NRP2: variants seen among roughly 807,000 people sequenced by gnomAD.
The protein encoded by NRP2 is neuropilin 2, also known as neuropilin-2.
NRP2 carries 52 observed loss-of-function variants against 110.4 expected under a neutral mutation model. The observed-to-expected ratio is 0.47, with a 90% CI of 0.38 to 0.59. The LOEUF is 0.59. NRP2 is among the 20% of genes least tolerant of loss of function. The pLI is 0.00. For synonymous variants in NRP2, 508 were observed against 468.9 expected (o/e 1.08, Z -1.08); for missense variants, 1,049 against 1,203.0 (o/e 0.87, Z 1.89).
At position 205,794,953 on chromosome 2, in the gene NRP2, G is replaced by C. The variant is rs768144767; in HGVS notation, c.2676G>C (p.Leu892=). ...LLYCTCSYSG[L]SSRSCTTLEN... is the part of the protein sequence containing the mutation. ...ACTGCACCTGTTCCTACTCGGGCCT[G>C]AGCTCCCGAAGCTGCACCACACTGG... Residue 892 remains leucine, a synonymous_variant, in exon 17 of 17, where the codon CTG becomes CTC. Coordinates refer to ENST00000357785, the MANE Select transcript of NRP2 (RefSeq NM_003872.3). The C allele has an allele frequency of 2.5e-6, 4 of 1,614,154 alleles. No individual in the cohort carries two copies. The highest frequency in any genetic ancestry group is 3.4e-6 in the Non-Finnish European group (4 of 1,180,034).
At chr2:205,779,989 T>C (rs1312322508) in intron 15 of NRP2, among the ~76,000 whole-genome samples, 1 of 152,214 alleles carries the variant, frequency 6.6e-6, no homozygotes, top group Non-Finnish European at 1.5e-5. Flanking sequence ...AATTGCTAAA[T>C]GAGATTCCAC....
At chr2:205,703,974 G>C (rs1235228494) in intron 2 of NRP2, among the ~76,000 whole-genome samples, 1 of 152,150 alleles carries the variant, frequency 6.6e-6, no homozygotes, top group Non-Finnish European at 1.5e-5. Context: ...CTCCTTAGGA[G>C]ACAGGGTGGT....
chr2:205,685,751 C>G lies in NRP2; in HGVS notation c.73+2388C>G, dbSNP rs1261564303. On this transcript the variant is annotated intron_variant, in intron 1 of 16. Coordinates refer to ENST00000357785, the MANE Select transcript of NRP2 (RefSeq NM_003872.3). ...CTGCGCGGCAGGCTCGCCGCGACCC[C>G]TAGAGAGACGGCTTTGAGTGGCGGG... 3 of 152,608 alleles carry G rather than the reference C, an allele frequency of 2.0e-5. No homozygotes were observed. In the East Asian group the frequency reaches 5.8e-4, roughly 29 times the overall value. 9.5% of individuals were successfully genotyped at this position (152,608 alleles called of 1,614,324 possible).
intron 15 of NRP2, among the ~76,000 whole-genome samples, chr2:205,784,844 T>G (rs1260990683): frequency 6.6e-6 from 1 of 152,186 alleles, no homozygotes; most frequent in Non-Finnish European, 1.5e-5. Context: ...AAAGCATGGG[T>G]CAGATTCCTT....
chr2:205,685,040 CAG>C (rs1284328043), intron 1 of NRP2, among the ~76,000 whole-genome samples: 3 of 152,194 alleles, frequency 2.0e-5, no homozygotes, highest in Non-Finnish European at 4.4e-5. Context: ...CGTGAAGACT[CAG>C]GGGCCATCTC....
Position 205,716,326 on chromosome 2 carries a change from G to C in NRP2, c.385G>C (p.Ala129Pro), listed in dbSNP as rs1256247488. ...MLYIKFTSDY[A>P]RQGAGFSLRY... ...CTACATCAAGTTCACCTCCGACTAC[G>C]CCCGGCAGGGGGCAGGCTTCTCTCT... The change falls in exon 3 of 17, where the codon GCC becomes CCC. Residue 129 changes from alanine (A) to proline (P), a missense_variant. Physicochemically the swap from Ala to Pro is conservative, Grantham distance 27. Transcript: ENST00000357785. 1 of 1,614,120 alleles carries C rather than the reference G, an allele frequency of 6.2e-7. No homozygotes were observed.
intron 2 of NRP2, among the ~76,000 whole-genome samples, chr2:205,704,614 G>A (rs1332004962): frequency 1.3e-5 from 2 of 152,186 alleles, no homozygotes; most frequent in African/African-American, 2.4e-5. Flanking sequence ...TGGATCAGGG[G>A]GAAAAACAAC....
intron 2 of NRP2, among the ~76,000 whole-genome samples, chr2:205,709,993 C>T (rs867100016): frequency 6.6e-6 from 1 of 152,178 alleles, no homozygotes. Flanking sequence ...ATTCCAAATC[C>T]GCTCACTTTT....
At chr2:205,769,274 T>A (rs2057978717) in intron 15 of NRP2, among the ~76,000 whole-genome samples, 1 of 152,166 alleles carries the variant, frequency 6.6e-6, no homozygotes, top group African/African-American at 2.4e-5. Context: ...CCCTTATAAA[T>A]TAATCATGCA....
At chr2:205,751,792 C>A (rs561691355) in intron 11 of NRP2, among the ~76,000 whole-genome samples, 2 of 152,172 alleles carry the variant, frequency 1.3e-5, no homozygotes, top group African/African-American at 2.4e-5. Context: ...CTCTAAGAAC[C>A]CTGGGAAGGG....
In NRP2 at chr2:205,722,165, TCTCTCATACA is replaced by T. The variant is rs1351823259; in HGVS notation, c.434-311_434-302del. ...GAATCCCTCTCTCTCTCTCTCTCTCTCTCTCATACACACACACACACACACACACACACAC... is the reference window on the plus strand; with the variant it reads ...GAATCCCTCTCTCTCTCTCTCTCTCTCACACACACACACACACACACACAC... On this transcript the variant is annotated intron_variant, in intron 3 of 16. Transcript: ENST00000357785. The T allele has an allele frequency of 1.1e-3, 356 of 337,672 alleles. 1 individual carries two copies. The highest frequency in any genetic ancestry group is 7.7e-3 in the African/African-American group (332 of 43,080). The allele number at this position is 337,672 out of a possible 1,614,324, so 20.9% of individuals were successfully genotyped here.
Position 205,743,184 on chromosome 2 carries a change from C to T in NRP2, c.1292-19C>T. On this transcript the variant is annotated intron_variant, in intron 8 of 16. Coordinates refer to ENST00000357785, the MANE Select transcript of NRP2 (RefSeq NM_003872.3). ...AGGTGTCAGCCATGACCTCTTGTAT[C>T]TTCCTCTCCTCTCTGCAGATGCTCC... 1 of 1,607,730 alleles carries T rather than the reference C, an allele frequency of 6.2e-7. No homozygotes were observed. Among genetic ancestry groups the T allele is most frequent in the Non-Finnish European group, 8.5e-7 (1 of 1,179,958 alleles).
At chr2:205,736,081 C>T (rs2105851791) in intron 7 of NRP2, among the ~76,000 whole-genome samples, 1 of 152,286 alleles carries the variant, frequency 6.6e-6, no homozygotes, top group East Asian at 1.9e-4. Context: ...GTGGCTCACA[C>T]CTGTAATCCC....
intron 15 of NRP2, among the ~76,000 whole-genome samples, chr2:205,783,558 C>T (rs1323110931): frequency 1.3e-5 from 2 of 152,226 alleles, no homozygotes; most frequent in African/African-American, 4.8e-5. Flanking sequence ...CAGGCCCCCA[C>T]ACTGGCCCCA....
chr2:205,718,753 C>A (rs1238777707), intron 3 of NRP2, among the ~76,000 whole-genome samples: 1 of 152,008 alleles, frequency 6.6e-6, no homozygotes, highest in Non-Finnish European at 1.5e-5. Context: ...ACCAGCCTGG[C>A]CAACATGGCG....
intron 2 of NRP2, among the ~76,000 whole-genome samples, chr2:205,705,050 T>C (rs1315543968): frequency 6.6e-6 from 1 of 152,158 alleles, no homozygotes; most frequent in East Asian, 1.9e-4. Context: ...GAGTCATGAG[T>C]CCTATAGAAA....
chr2:205,783,690 A>G (rs1460703457), intron 15 of NRP2, among the ~76,000 whole-genome samples: 2 of 152,232 alleles, frequency 1.3e-5, no homozygotes, highest in African/African-American at 4.8e-5. Context: ...CAAAGCTACT[A>G]GCCCCCACAG....
chr2:205,702,934 C>T (rs763491187), intron 2 of NRP2, among the ~76,000 whole-genome samples: 4 of 152,212 alleles, frequency 2.6e-5, no homozygotes, highest in Non-Finnish European at 4.4e-5. Flanking sequence ...TCACCCTTTC[C>T]TCTGAACTCC....
At chr2:205,794,125 T>C (rs2058329853) in intron 16 of NRP2, among the ~76,000 whole-genome samples, 1 of 152,182 alleles carries the variant, frequency 6.6e-6, no homozygotes, top group African/African-American at 2.4e-5. Context: ...TATTTATTTT[T>C]TTGGAGACGG....
Sources: allele counts gnomAD v4.1 joint callset (sites outside exome capture counted in the v4.1 genomes callset), GRCh38; gene constraint gnomAD v4.1.1; transcripts MANE v1.5; gene names NCBI Gene and HGNC (gene_info 2026-07-23, HGNC 2026-07-21).